Variants in SIL1 observed in about 807,000 individuals in gnomAD.
SIL1 encodes the protein nucleotide exchange factor SIL1.
A neutral mutation model predicts 49.1 loss-of-function variants in SIL1; 40 were observed. The ratio of observed to expected loss-of-function variants is 0.81; its 90% CI spans 0.63 to 1.06. The LOEUF (loss-of-function observed/expected upper bound fraction) is 1.06, where lower values mean the gene tolerates loss of function less well. Among genes scored for constraint, SIL1 ranks in the 50% least tolerant of loss-of-function variants. SIL1 has a pLI of 0.00. For missense variants in SIL1, 500 were observed against 572.6 expected, an observed-to-expected ratio of 0.87 and a Z score of 1.29; for synonymous variants, 253 against 250.8, an observed-to-expected ratio of 1.01 and a Z score of -0.08.
At position 138,951,877 on chromosome 5, in the gene SIL1, T is replaced by C; in HGVS notation, c.775A>G (p.Lys259Glu). ...VLGAAFSSNP[K>E]VQVEAIEGGA... The stretch of plus-strand genomic sequence containing the variant: ...CCTTCGATGGCCTCCACCTGGACCT[T>C]GGGGTTGCTGGGGAAGAAGCACAGG... The change falls in exon 8 of 10, where the codon AAG becomes GAG. Residue 259 changes from lysine to glutamate, a missense_variant. Physicochemically the swap from Lys to Glu is moderately conservative, Grantham distance 56 (BLOSUM62 1). Transcript: ENST00000394817. The C allele has an allele frequency of 6.2e-7, 1 of 1,613,570 alleles. No individual in the cohort carries two copies.
chr5:139,028,453 G>A (rs968610791), intron 5 of SIL1, among the ~76,000 whole-genome samples: 4 of 152,040 alleles, frequency 2.6e-5, no homozygotes, highest in Non-Finnish European at 5.9e-5. Flanking sequence ...AGCGGAGATC[G>A]TGCCACTGCA....
At chr5:139,121,339 C>T (rs751723365) in intron 2 of SIL1, among the ~76,000 whole-genome samples, 166 bp from the exon 3 acceptor site, 9 of 152,144 alleles carry the variant, frequency 5.9e-5, no homozygotes, top group Non-Finnish European at 1.2e-4. Flanking sequence ...TCAGAACCAG[C>T]ACATGTGAGG....
chr5:138,970,975 C>T (rs756183117), intron 7 of SIL1, among the ~76,000 whole-genome samples: 1 of 151,932 alleles, frequency 6.6e-6, no homozygotes, highest in Non-Finnish European at 1.5e-5. Context: ...GACACACACA[C>T]CCCTGGACCA....
At chr5:139,119,510 T>G (rs951100274) in intron 3 of SIL1, among the ~76,000 whole-genome samples, 1 of 152,126 alleles carries the variant, frequency 6.6e-6, no homozygotes, top group Non-Finnish European at 1.5e-5. Context: ...TCTGTAATCC[T>G]AGGACTTTGG....
chr5:139,057,285 C>T (rs554238640), intron 3 of SIL1, among the ~76,000 whole-genome samples: 250 of 123,970 alleles, frequency 2.0e-3, no homozygotes, highest in Non-Finnish European at 3.1e-3. Flanking sequence ...CCAAATCCCC[C>T]TCTGCGAGAA....
chr5:138,961,404 G>C (rs1278296394), intron 7 of SIL1, among the ~76,000 whole-genome samples: 1 of 152,150 alleles, frequency 6.6e-6, no homozygotes, highest in Non-Finnish European at 1.5e-5. Flanking sequence ...CTTTCTGCAG[G>C]AAGGCCATTC....
chr5:139,112,627 G>A (rs1356693209), intron 3 of SIL1, among the ~76,000 whole-genome samples: 1 of 149,952 alleles, frequency 6.7e-6, no homozygotes, highest in Non-Finnish European at 1.5e-5. Flanking sequence ...CCCTCCGGGA[G>A]GGAGGTGGGG....
intron 2 of SIL1, among the ~76,000 whole-genome samples, chr5:139,126,715 G>C (rs915093909): frequency 6.6e-6 from 1 of 152,202 alleles, no homozygotes; most frequent in Admixed American, 6.5e-5. Flanking sequence ...TCCACGAAGT[G>C]GGGGGAAAGG....
chr5:139,166,241 G>C (rs1352659122), intron 1 of SIL1, among the ~76,000 whole-genome samples: 1 of 152,210 alleles, frequency 6.6e-6, no homozygotes, highest in Non-Finnish European at 1.5e-5. Flanking sequence ...GCACATTTCA[G>C]TCAACAACAG....
chr5:139,074,210 C>T (rs1294578430), intron 3 of SIL1, among the ~76,000 whole-genome samples: 1 of 152,140 alleles, frequency 6.6e-6, no homozygotes, highest in Non-Finnish European at 1.5e-5. Flanking sequence ...GCATGCATCA[C>T]CACACCCAGC....
chr5:139,108,695 C>T (rs7706441), intron 3 of SIL1, among the ~76,000 whole-genome samples: 13,123 of 152,154 alleles, frequency 0.086, 1,048 homozygotes, highest in African/African-American at 0.21. Flanking sequence ...CAGCGAAATA[C>T]GTGGCTGGAA....
At chr5:139,187,676 GTAGGATGGGTATACACTGCAA>G (rs1752100215) in intron 1 of SIL1, 1 of 150,998 alleles carries the variant, frequency 6.6e-6, no homozygotes, top group South Asian at 2.1e-4. Flanking sequence ...AATTAAAATG[GTAGGATGGGTATACACTGCAA>G]TAGGCTTGGA....
At chr5:138,996,739 C>T (rs921259733) in intron 7 of SIL1, among the ~76,000 whole-genome samples, 1 of 151,848 alleles carries the variant, frequency 6.6e-6, no homozygotes, top group Non-Finnish European at 1.5e-5. Flanking sequence ...AGGATGGTCT[C>T]GGTCTCTTGA....
Position 139,169,343 on chromosome 5 carries a change from G to C in SIL1, c.-11+28926C>G, listed in dbSNP as rs572138986. Among the ~76,000 whole-genome samples the C allele has an allele frequency of 7.9e-5, 12 of 152,230 alleles. No individual in the cohort carries two copies. In the South Asian group the frequency reaches 1.9e-3, roughly 24 times the overall value. On this transcript the variant is annotated intron_variant, in intron 1 of 9. Coordinates refer to ENST00000394817, the MANE Select transcript of SIL1 (RefSeq NM_022464.5). Reference sequence around the variant, plus strand: ...AACGAAAACCACAAACACTGGGAAAGGCAAAAGATCTGCTTTCCAGGGTTA... The same window carrying C: ...AACGAAAACCACAAACACTGGGAAACGCAAAAGATCTGCTTTCCAGGGTTA...
chr5:139,013,357 A>C (rs1324911285), intron 7 of SIL1, among the ~76,000 whole-genome samples: 2 of 152,200 alleles, frequency 1.3e-5, no homozygotes, highest in Non-Finnish European at 2.9e-5. Context: ...AATTTGCCTT[A>C]ATAATTCCTT....
At chr5:138,952,952 C>T (rs1316768867) in intron 7 of SIL1, among the ~76,000 whole-genome samples, 1 of 152,242 alleles carries the variant, frequency 6.6e-6, no homozygotes, top group African/African-American at 2.4e-5. Context: ...GGCCCTTGGG[C>T]AGGTCAGGGC....
chr5:139,134,755 T>A (rs1750938094), intron 1 of SIL1, among the ~76,000 whole-genome samples: 1 of 152,218 alleles, frequency 6.6e-6, no homozygotes, highest in Non-Finnish European at 1.5e-5. Flanking sequence ...GCCACCAACA[T>A]GCAGAACTGC....
At chr5:139,091,267 C>CA (rs550187247) in intron 3 of SIL1, among the ~76,000 whole-genome samples, 38 of 151,212 alleles carry the variant, frequency 2.5e-4, no homozygotes, top group South Asian at 1.9e-3. Context: ...ATATCATAAG[C>CA]AAAAAAGACA....
chr5:138,989,998 C>G (rs1321775206), intron 7 of SIL1, among the ~76,000 whole-genome samples: 1 of 152,184 alleles, frequency 6.6e-6, no homozygotes, highest in Non-Finnish European at 1.5e-5. Context: ...GTCCATGGCT[C>G]TTTGGGAAAG....
Sources: gnomAD v4.1 joint callset for allele counts (sites outside exome capture counted in the v4.1 genomes callset) on GRCh38, gnomAD v4.1.1 for gene constraint, MANE v1.5 for transcripts, NCBI Gene and HGNC (gene_info 2026-07-23, HGNC 2026-07-21) for gene names.